The following IQCM variants were observed in gnomAD, a reference collection of about 807,000 sequenced individuals.
IQCM encodes the protein IQ motif containing M, also known as IQ domain-containing protein M.
A neutral mutation model predicts 57.6 loss-of-function variants in IQCM; 45 were observed. The observed-to-expected ratio is 0.78, with a 90% CI of 0.62 to 1.00. The LOEUF is 1.00. Ranked by LOEUF, IQCM falls within the 50% of genes least tolerant of loss-of-function variation. The pLI, the probability that IQCM is intolerant of heterozygous loss-of-function variation, is 0.00. For missense variants in IQCM, 468 were observed against 511.6 expected (o/e 0.91, Z 0.82); for synonymous variants, 148 against 158.9 (o/e 0.93, Z 0.51).
chr4:149,624,013 T>G (rs1356238489), intron 7 of IQCM, among the ~76,000 whole-genome samples: 1 of 152,196 alleles, frequency 6.6e-6, no homozygotes, highest in Admixed American at 6.5e-5. Flanking sequence ...CTTCAATATT[T>G]TAGACTATCA....
At chr4:149,676,767 A>G (rs1301024076) in intron 7 of IQCM, among the ~76,000 whole-genome samples, 1 of 152,026 alleles carries the variant, frequency 6.6e-6, no homozygotes, top group Non-Finnish European at 1.5e-5. Context: ...CTTATATCTT[A>G]TGTTCTAATA....
chr4:149,712,756 C>T (rs547096994), intron 5 of IQCM, among the ~76,000 whole-genome samples: 5 of 152,122 alleles, frequency 3.3e-5, no homozygotes, highest in African/African-American at 1.2e-4. Flanking sequence ...TTGAATTCTG[C>T]CCCCAGTCAT....
At chr4:149,482,171 T>A (rs937681931) in intron 12 of IQCM, among the ~76,000 whole-genome samples, 1 of 151,960 alleles carries the variant, frequency 6.6e-6, no homozygotes, top group Non-Finnish European at 1.5e-5. Flanking sequence ...GTTGTAATAG[T>A]TTTTTGGTGA....
At chr4:149,626,576 A>G (rs1373720554) in intron 7 of IQCM, among the ~76,000 whole-genome samples, 2 of 151,990 alleles carry the variant, frequency 1.3e-5, no homozygotes, top group African/African-American at 4.8e-5. Flanking sequence ...GTTGCATAAC[A>G]TCTTTCTGAA....
intron 2 of IQCM, among the ~76,000 whole-genome samples, chr4:149,793,881 G>T (rs1402719221): frequency 6.6e-6 from 1 of 152,216 alleles, no homozygotes; most frequent in South Asian, 2.1e-4. Flanking sequence ...GGCAGACTGA[G>T]CATGAATATT....
intron 7 of IQCM, among the ~76,000 whole-genome samples, chr4:149,675,348 T>C (rs559877532): frequency 1.3e-5 from 2 of 151,372 alleles, no homozygotes; most frequent in Admixed American, 1.3e-4. Context: ...GAAACAGCAA[T>C]GAGGAGCAAG....
intron 12 of IQCM, among the ~76,000 whole-genome samples, chr4:149,440,936 T>A (rs1470080667): frequency 6.6e-6 from 1 of 152,130 alleles, no homozygotes; most frequent in Non-Finnish European, 1.5e-5. Flanking sequence ...GAAACATGAT[T>A]GGATACAAAT....
intron 2 of IQCM, among the ~76,000 whole-genome samples, chr4:149,763,964 T>C (rs904920789): frequency 6.6e-6 from 1 of 151,768 alleles, no homozygotes; most frequent in African/African-American, 2.4e-5. Context: ...AGAGAAAAGA[T>C]GCATTTAAAA....
intron 7 of IQCM, among the ~76,000 whole-genome samples, chr4:149,634,605 T>C (rs1452520149): frequency 1.3e-5 from 2 of 152,188 alleles, no homozygotes; most frequent in Non-Finnish European, 1.5e-5. Context: ...AAAACTCAGA[T>C]GACATTTTCA....
intron 7 of IQCM, among the ~76,000 whole-genome samples, chr4:149,650,083 A>G (rs1335990309): frequency 6.6e-6 from 1 of 152,086 alleles, no homozygotes; most frequent in East Asian, 1.9e-4. Flanking sequence ...TGTTGCCCAA[A>G]AAGATATGTT....
At chr4:149,607,773 A>G (rs1579679395) in intron 8 of IQCM, among the ~76,000 whole-genome samples, 1 of 152,100 alleles carries the variant, frequency 6.6e-6, no homozygotes, top group East Asian at 1.9e-4. Context: ...ACAAAAATCT[A>G]TTTTAGATAC....
At chr4:149,709,970 G>A (rs1764441220) in intron 5 of IQCM, among the ~76,000 whole-genome samples, 2 of 152,060 alleles carry the variant, frequency 1.3e-5, no homozygotes, top group South Asian at 4.1e-4. Flanking sequence ...AAAAGGGAGT[G>A]CAACCTCTTA....
intron 5 of IQCM, among the ~76,000 whole-genome samples, chr4:149,686,924 G>C (rs193081435): frequency 8.9e-4 from 135 of 151,618 alleles, no homozygotes; most frequent in Admixed American, 5.7e-3. Context: ...TTATTTGATA[G>C]AGTAAGACTA....
chr4:149,519,343 C>T (rs183129943), intron 12 of IQCM, among the ~76,000 whole-genome samples: 117 of 152,234 alleles, frequency 7.7e-4, no homozygotes, highest in Admixed American at 5.6e-3. Context: ...CTTTCTTGGC[C>T]GGGCGCGGTG....
At chr4:149,593,391 A>G (rs144895136) in intron 8 of IQCM, among the ~76,000 whole-genome samples, 35,691 of 151,862 alleles carry the variant, frequency 0.24, 4,776 homozygotes, top group Non-Finnish European at 0.29. Context: ...ATACAATCAT[A>G]TCATCTGCAA....
intron 12 of IQCM, among the ~76,000 whole-genome samples, chr4:149,454,949 T>C (rs1421514732): frequency 6.6e-6 from 1 of 151,976 alleles, no homozygotes; most frequent in East Asian, 1.9e-4. Flanking sequence ...GTTATGGTGA[T>C]GGTTGCACGA....
intron 13 of IQCM, among the ~76,000 whole-genome samples, chr4:149,392,514 A>G (rs1731936950): frequency 6.6e-6 from 1 of 152,074 alleles, no homozygotes; most frequent in Non-Finnish European, 1.5e-5. Context: ...CATGTCTGAC[A>G]TGACCTGAAT....
intron 13 of IQCM, among the ~76,000 whole-genome samples, chr4:149,357,951 ACTT>A (rs1346951677): frequency 6.6e-6 from 1 of 152,182 alleles, no homozygotes; most frequent in Non-Finnish European, 1.5e-5. Flanking sequence ...CAGAAATTCA[ACTT>A]CTTCCTGGTT....
chr4:149,753,877 A>C (rs1768710016), intron 2 of IQCM, among the ~76,000 whole-genome samples: 1 of 152,062 alleles, frequency 6.6e-6, no homozygotes, highest in African/African-American at 2.4e-5. Context: ...TAGAAAAATG[A>C]CATCAATCTA....
Sources: allele counts gnomAD v4.1 joint callset (sites outside exome capture counted in the v4.1 genomes callset), GRCh38; gene constraint gnomAD v4.1.1; transcripts MANE v1.5; gene names NCBI Gene and HGNC (gene_info 2026-07-23, HGNC 2026-07-21).